ADAMTS8: variants seen among roughly 807,000 people sequenced by gnomAD.
The protein encoded by ADAMTS8 is A disintegrin and metalloproteinase with thrombospondin motifs 8.
A neutral mutation model predicts 64.4 loss-of-function variants in ADAMTS8; 50 were observed. That is an observed-to-expected ratio of 0.78 (90% CI 0.62 to 0.98). The LOEUF (loss-of-function observed/expected upper bound fraction) is 0.98. ADAMTS8 is among the 50% of genes least tolerant of loss of function. The pLI is 0.00. For synonymous variants in ADAMTS8, 556 were observed against 533.6 expected, an observed-to-expected ratio of 1.04 and a Z score of -0.58; for missense variants, 1,192 against 1,208.2, an observed-to-expected ratio of 0.99 and a Z score of 0.20.
intron 4 of ADAMTS8, 113 bp from the exon 5 acceptor site, chr11:130,414,945 C>T (rs2134681014): frequency 3.4e-6 from 4 of 1,160,812 alleles, no homozygotes; most frequent in South Asian, 3.3e-5. Context: ...ACTTCTTGAC[C>T]TCCAACTAAA....
intron 5 of ADAMTS8, among the ~76,000 whole-genome samples, chr11:130,414,122 CTTT>C (rs143297278): frequency 1.9e-3 from 252 of 129,724 alleles, no homozygotes; most frequent in African/African-American, 6.4e-3. Flanking sequence ...AGTTTCTTTT[CTTT>C]TTTTTTTTTT....
At chr11:130,413,486 C>T (rs187290013) in intron 5 of ADAMTS8, among the ~76,000 whole-genome samples, 61 of 152,240 alleles carry the variant, frequency 4.0e-4, no homozygotes, top group Admixed American at 2.2e-3. Context: ...TCAGCGCTGG[C>T]GGGGACCGGG....
intron 4 of ADAMTS8, 149 bp from the exon 5 acceptor site, chr11:130,414,981 G>A (rs1331195073): frequency 1.1e-6 from 1 of 871,166 alleles, no homozygotes; most frequent in Non-Finnish European, 1.7e-6. Flanking sequence ...ATGATCTAGT[G>A]AGAGCATGCC....
At chr11:130,425,457 G>A (rs1295959365) in intron 1 of ADAMTS8, among the ~76,000 whole-genome samples, 1 of 152,124 alleles carries the variant, frequency 6.6e-6, no homozygotes, top group Admixed American at 6.5e-5. Context: ...CTGCTGGCAC[G>A]GAGTTCTCTT....
chr11:130,417,140 A>G (rs1317465901), intron 2 of ADAMTS8, 65 bp from the exon 3 acceptor site: 1 of 1,598,888 alleles, frequency 6.3e-7, no homozygotes, highest in African/African-American at 1.3e-5. Context: ...GCAGGCCTGC[A>G]GGGCCGGGTG....
At chr11:130,418,812 C>G (rs914719447) in intron 2 of ADAMTS8, among the ~76,000 whole-genome samples, 1 of 152,232 alleles carries the variant, frequency 6.6e-6, no homozygotes, top group African/African-American at 2.4e-5. Context: ...TATGTGTGAC[C>G]TCAGGAGACA....
Position 130,414,846 on chromosome 11 carries a change from A to T in ADAMTS8, c.1265-14T>A, listed in dbSNP as rs552406496. 11 of 1,595,366 alleles carry T rather than the reference A, an allele frequency of 6.9e-6. No individual in the cohort carries two copies. The African/African-American group carries it at 1.3e-4, about 19-fold the overall frequency. ...GGAGACAGTCTCCTGGGAAAAGAGGAAGCAGGGGTGTAAGAACATGCACAG... is the reference window on the plus strand; with the variant it reads ...GGAGACAGTCTCCTGGGAAAAGAGGTAGCAGGGGTGTAAGAACATGCACAG... On this transcript the variant is annotated splice_polypyrimidine_tract_variant and intron_variant, in intron 4 of 8. Transcript: ENST00000257359.
At position 130,408,623 on chromosome 11, in the gene ADAMTS8, A is replaced by C. The variant is rs1265087460; in HGVS notation, c.1940T>G (p.Leu647Arg). The change falls in exon 8 of 9, where the codon CTG (leucine) becomes CGG (arginine). Residue 647 changes from leucine to arginine, a missense_variant. Around this residue, in one of 5 missense-constraint regions of ADAMTS8, gnomAD observed 290 missense variants for 297.8 expected, o/e 0.97. Transcript: ENST00000257359. ...GATGGCCAGTGTTTCTGGCCCACACAGGGTGCCATCAATCACCTGCAACGG... is the reference window on the plus strand; with the variant it reads ...GATGGCCAGTGTTTCTGGCCCACACCGGGTGCCATCAATCACCTGCAACGG... ...VFEAKVIDGT[L>R]CGPETLAICV... 1 of 1,613,920 alleles carries C rather than the reference A, an allele frequency of 6.2e-7. No homozygotes were observed. The highest frequency in any genetic ancestry group is 8.5e-7 in the Non-Finnish European group (1 of 1,179,980).
chr11:130,420,927 C>G (rs1337557106), intron 1 of ADAMTS8, among the ~76,000 whole-genome samples: 1 of 152,106 alleles, frequency 6.6e-6, no homozygotes, highest in African/African-American at 2.4e-5. Context: ...TTTGCTGCTT[C>G]CAGGAGGCCA....
At chr11:130,412,627 A>G (rs1861967279) in intron 5 of ADAMTS8, among the ~76,000 whole-genome samples, 1 of 152,208 alleles carries the variant, frequency 6.6e-6, no homozygotes, top group South Asian at 2.1e-4. Flanking sequence ...AAAGTTATAA[A>G]AGTAATAGTT....
In ADAMTS8 at chr11:130,414,670, C is replaced by T. The variant is rs139876285; in HGVS notation, c.1427G>A (p.Trp476Ter). ...GGGCTCAGCCCCATCAGTGTGGCAC[C>T]AAAGCTGGGCGCAGACGTCCTGAGC... is the stretch of plus-strand genomic sequence containing the variant. The part of the protein sequence containing the change: ...TSAQDVCAQL[W>*]CHTDGAEPLC... The change falls in exon 5 of 9, where the codon TGG becomes TAG. Residue 476 changes from tryptophan (W) to a stop codon, truncating the protein, a stop_gained. Coordinates refer to ENST00000257359, the MANE Select transcript of ADAMTS8 (RefSeq NM_007037.6). LOFTEE classifies it high-confidence loss of function. 6.2e-7 allele frequency: 1 copy of T among 1,613,846 alleles called. No individual in the cohort carries two copies. Among genetic ancestry groups the T allele is most frequent in the East Asian group, 2.2e-5 (1 of 44,874 alleles).
Position 130,427,867 on chromosome 11 carries a change from C to A in ADAMTS8, c.420G>T (p.Ala140=), listed in dbSNP as rs766521945. The change falls in exon 1 of 9, where the codon GCG becomes GCT. Residue 140 remains alanine, a synonymous_variant. Coordinates refer to ENST00000257359, the MANE Select transcript of ADAMTS8 (RefSeq NM_007037.6). ...GGTGCGGCTGAGCCAGGGAGCCCCC[C>A]GCGCCCTGCGGCTGGATGGTGAACT... ...GEEFTIQPQG[A]GGSLAQPHRL... 1.4e-5 allele frequency: 21 copies of A among 1,535,350 alleles called. No individual in the cohort carries two copies. Among genetic ancestry groups the A allele is most frequent in the East Asian group, 9.8e-5 (4 of 40,830 alleles).
intron 1 of ADAMTS8, among the ~76,000 whole-genome samples, chr11:130,420,807 C>T (rs1862089552): frequency 6.6e-6 from 1 of 152,148 alleles, no homozygotes; most frequent in African/African-American, 2.4e-5. Context: ...AAACTTGGCA[C>T]TTGCTCCTGG....
intron 1 of ADAMTS8, among the ~76,000 whole-genome samples, chr11:130,424,458 C>T (rs1484822930): frequency 6.6e-6 from 1 of 152,190 alleles, no homozygotes; most frequent in Non-Finnish European, 1.5e-5. Context: ...CACAGGTGCT[C>T]AGACCGGGAT....
chr11:130,417,531 A>G (rs1350032975), intron 2 of ADAMTS8, among the ~76,000 whole-genome samples: 1 of 152,132 alleles, frequency 6.6e-6, no homozygotes, highest in Admixed American at 6.5e-5. Context: ...TGCTGGGATT[A>G]CAGCCGTGAG....
Position 130,428,082 on chromosome 11 carries a change from C to A in ADAMTS8, c.205G>T (p.Ala69Ser), listed in dbSNP as rs779140270. ...GGCGCTAGGAAGCTGTCGTCGGGCGCCAGGCGCAGCACGAAGCCCTTGCCG... is the reference window on the plus strand; with the variant it reads ...GGCGCTAGGAAGCTGTCGTCGGGCGACAGGCGCAGCACGAAGCCCTTGCCG... ...AFGKGFVLRLAPDDSFLAPEF... is the reference protein window; with the variant it reads ...AFGKGFVLRLSPDDSFLAPEF... The change falls in exon 1 of 9, where the codon GCG (alanine) becomes TCG (serine). Residue 69 changes from alanine (A) to serine (S), a missense_variant. Physicochemically the swap from Ala to Ser is moderately conservative, Grantham distance 99. Coordinates refer to ENST00000257359, the MANE Select transcript of ADAMTS8 (RefSeq NM_007037.6). 7.4e-5 allele frequency: 114 copies of A among 1,538,780 alleles called. No homozygotes were observed. The African/African-American group carries it at 1.4e-3, about 19-fold the overall frequency.
intron 1 of ADAMTS8, among the ~76,000 whole-genome samples, chr11:130,424,893 A>G (rs1862144302): frequency 6.6e-6 from 1 of 152,030 alleles, no homozygotes; most frequent in South Asian, 2.1e-4. Flanking sequence ...GGGACATGAG[A>G]CCCAGGGTGG....
intron 1 of ADAMTS8, among the ~76,000 whole-genome samples, chr11:130,426,033 G>C (rs960451613): frequency 4.6e-5 from 7 of 152,282 alleles, no homozygotes; most frequent in Admixed American, 6.5e-5. Flanking sequence ...TCAGAGGAGA[G>C]GGCTGGTGCT....
At position 130,411,826 on chromosome 11, in the gene ADAMTS8, A is replaced by T; in HGVS notation, c.1567-226T>A. 1.7e-6 allele frequency: 1 copy of T among 573,392 alleles called. No homozygotes were observed. The highest frequency in any genetic ancestry group is 3.2e-5 in the Admixed American group (1 of 31,548). 35.5% of individuals were successfully genotyped at this position (573,392 alleles called of 1,614,324 possible). On this transcript the variant is annotated intron_variant, in intron 5 of 8. Transcript: ENST00000257359. The surrounding 1 kb of genome is among the most constrained non-coding windows in gnomAD (Gnocchi z 4.2). Reference sequence around the variant, plus strand: ...ATTCACTACTGACTCCTCAGTGTCTAAAACAGTGCCTTATGCTTAGTAAGG... The same window carrying T: ...ATTCACTACTGACTCCTCAGTGTCTTAAACAGTGCCTTATGCTTAGTAAGG...
Sources: gnomAD v4.1 joint callset for allele counts (sites outside exome capture counted in the v4.1 genomes callset) on GRCh38, gnomAD v4.1.1 for gene constraint, gnomAD v4.1.1 regional missense constraint, Gnocchi (gnomAD v3.1) non-coding constraint, MANE v1.5 for transcripts, NCBI Gene and HGNC (gene_info 2026-07-23, HGNC 2026-07-21) for gene names.